Variants in EBF1 observed in about 807,000 individuals in gnomAD.
EBF1 encodes the protein EBF transcription factor 1.
EBF1 carries 10 observed loss-of-function variants against 68.4 expected under a neutral mutation model. The ratio of observed to expected loss-of-function variants is 0.15; its 90% confidence interval spans 0.09 to 0.25. The LOEUF (loss-of-function observed/expected upper bound fraction) is 0.25, where lower values mean the gene tolerates loss of function less well. Among genes scored for constraint, EBF1 ranks in the 10% least tolerant of loss-of-function variants. EBF1 has a pLI of 1.00. For synonymous variants in EBF1, 298 were observed against 299.8 expected (o/e 0.99, Z 0.06); for missense variants, 509 against 794.4 (o/e 0.64, Z 4.32).
chr5:158,925,355 C>T (rs1169100792), intron 6 of EBF1, among the ~76,000 whole-genome samples: 2 of 152,184 alleles, frequency 1.3e-5, no homozygotes, highest in Non-Finnish European at 2.9e-5. Context: ...AGGAATAAAG[C>T]AAACACAGAG....
At chr5:159,050,512 T>TAA (rs1476103577) in intron 6 of EBF1, among the ~76,000 whole-genome samples, 4 of 152,162 alleles carry the variant, frequency 2.6e-5, no homozygotes, top group East Asian at 3.9e-4. Flanking sequence ...CCCTTGACTT[T>TAA]AGTGACTTGG....
At chr5:158,893,275 CAACTT>C (rs1226977577) in intron 6 of EBF1, among the ~76,000 whole-genome samples, 1 of 152,156 alleles carries the variant, frequency 6.6e-6, no homozygotes, top group Non-Finnish European at 1.5e-5. Context: ...ATAAAATACT[CAACTT>C]GACTCTGTAG....
At chr5:158,734,994 G>A (rs1332374558) in intron 10 of EBF1, among the ~76,000 whole-genome samples, 2 of 152,064 alleles carry the variant, frequency 1.3e-5, no homozygotes, top group South Asian at 4.1e-4. Context: ...ATAAAATGGG[G>A]CCAATGTATG....
At chr5:159,008,598 T>C (rs1764024816) in intron 6 of EBF1, among the ~76,000 whole-genome samples, 1 of 150,652 alleles carries the variant, frequency 6.6e-6, no homozygotes, top group Non-Finnish European at 1.5e-5. Context: ...CAATCTGGAC[T>C]CACTGCAGCC....
chr5:158,856,759 G>T (rs1794098358), intron 6 of EBF1, among the ~76,000 whole-genome samples: 1 of 152,154 alleles, frequency 6.6e-6, no homozygotes, highest in Non-Finnish European at 1.5e-5. Flanking sequence ...TAACTTGCCT[G>T]CCAACAGATA....
At chr5:159,085,940 A>G (rs1346642502) in intron 4 of EBF1, among the ~76,000 whole-genome samples, 1 of 152,176 alleles carries the variant, frequency 6.6e-6, no homozygotes, top group African/African-American at 2.4e-5. Flanking sequence ...TGGTTATGGT[A>G]TCTGATCCCG....
chr5:158,707,291 C>A (rs1037820471), intron 15 of EBF1, among the ~76,000 whole-genome samples: 1 of 152,064 alleles, frequency 6.6e-6, no homozygotes, highest in Non-Finnish European at 1.5e-5. Flanking sequence ...AGGTGGGTAA[C>A]CTTTTATTCT....
At chr5:159,011,682 C>T (rs992367551) in intron 6 of EBF1, among the ~76,000 whole-genome samples, 1 of 152,096 alleles carries the variant, frequency 6.6e-6, no homozygotes, top group African/African-American at 2.4e-5. Context: ...TGTTAGAACC[C>T]CCCCTTCTCT....
chr5:158,819,125 C>A (rs192874239), intron 8 of EBF1, among the ~76,000 whole-genome samples: 62 of 152,232 alleles, frequency 4.1e-4, no homozygotes, highest in African/African-American at 1.4e-3. Flanking sequence ...GAGAAAAACA[C>A]ATGCACACCA....
chr5:159,049,266 T>A (rs1377049562), intron 6 of EBF1, among the ~76,000 whole-genome samples: 2 of 152,248 alleles, frequency 1.3e-5, no homozygotes, highest in Non-Finnish European at 2.9e-5. Flanking sequence ...AAATGATGTA[T>A]GATTTCCACT....
chr5:158,847,055 G>T (rs1279707917), intron 6 of EBF1, among the ~76,000 whole-genome samples: 1 of 152,104 alleles, frequency 6.6e-6, no homozygotes, highest in Non-Finnish European at 1.5e-5. Context: ...CCTATTCTTG[G>T]CCACTGATTT....
intron 8 of EBF1, among the ~76,000 whole-genome samples, chr5:158,798,441 G>A (rs1442304547): frequency 2.0e-5 from 3 of 151,998 alleles, no homozygotes; most frequent in African/African-American, 7.3e-5. Flanking sequence ...TATTTCTTTA[G>A]CTAAATACGG....
chr5:158,944,591 G>A (rs1261652334), intron 6 of EBF1, among the ~76,000 whole-genome samples: 1 of 152,204 alleles, frequency 6.6e-6, no homozygotes, highest in African/African-American at 2.4e-5. Flanking sequence ...CCCAGTAACG[G>A]GATTGCTGGG....
At chr5:158,929,076 T>G (rs1270426319) in intron 6 of EBF1, among the ~76,000 whole-genome samples, 1 of 152,152 alleles carries the variant, frequency 6.6e-6, no homozygotes, top group African/African-American at 2.4e-5. Flanking sequence ...AAGTCTAGAT[T>G]TTCTTTATGA....
rs929010942 is a variant in EBF1 at position 158,937,139 on chromosome 5, G to A, written c.555-97029C>T. On this transcript the variant is annotated intron_variant, in intron 6 of 15. Coordinates refer to ENST00000313708, the MANE Select transcript of EBF1 (RefSeq NM_024007.5). ...AGGTGCATGAATATCAGAAGACTGG[G>A]TGGGGGTACTTTTCCTTGCATTCAA... Among the ~76,000 whole-genome samples, 17 of 152,138 alleles carry A rather than the reference G, an allele frequency of 1.1e-4. No individual in the cohort carries two copies. The East Asian group carries it at 3.3e-3, about 29-fold the overall frequency.
At chr5:158,794,279 G>A (rs1252619258) in intron 9 of EBF1, among the ~76,000 whole-genome samples, 1 of 152,096 alleles carries the variant, frequency 6.6e-6, no homozygotes, top group Non-Finnish European at 1.5e-5. Context: ...GAGGAGGGAG[G>A]AGGACAAAGA....
At chr5:158,779,810 A>G (rs911116512) in intron 9 of EBF1, among the ~76,000 whole-genome samples, 1 of 152,194 alleles carries the variant, frequency 6.6e-6, no homozygotes, top group Non-Finnish European at 1.5e-5. Context: ...AATTGATTAG[A>G]TATGACTGCA....
chr5:158,790,786 A>G (rs1778440394), intron 9 of EBF1, among the ~76,000 whole-genome samples: 1 of 152,228 alleles, frequency 6.6e-6, no homozygotes, highest in African/African-American at 2.4e-5. Flanking sequence ...AGATACCAGA[A>G]TCTGAAGCAT....
intron 7 of EBF1, among the ~76,000 whole-genome samples, chr5:158,831,777 C>T (rs1432938298): frequency 6.6e-6 from 1 of 152,200 alleles, no homozygotes; most frequent in Non-Finnish European, 1.5e-5. Flanking sequence ...GCTCGACTTA[C>T]AGGTATGAGC....
Sources: gnomAD v4.1 joint callset for allele counts (sites outside exome capture counted in the v4.1 genomes callset) on GRCh38, gnomAD v4.1.1 for gene constraint, MANE v1.5 for transcripts, NCBI Gene and HGNC (gene_info 2026-07-23, HGNC 2026-07-21) for gene names.